The following GRM8 variants were observed in gnomAD, a reference collection of about 807,000 sequenced individuals.
GRM8 encodes metabotropic glutamate receptor 8.
GRM8 carries 47 observed loss-of-function variants against 87.2 expected under a neutral mutation model. The observed-to-expected ratio is 0.54, with a 90% CI of 0.43 to 0.69. The LOEUF is 0.69. Among genes scored for constraint, GRM8 ranks in the 30% least tolerant of loss-of-function variants. The pLI, the probability that GRM8 is intolerant of heterozygous loss-of-function variation, is 0.00. For missense variants in GRM8, 1,019 were observed against 1,139.2 expected, an observed-to-expected ratio of 0.89 and a Z score of 1.52; for synonymous variants, 396 against 404.5, an observed-to-expected ratio of 0.98 and a Z score of 0.25.
chr7:126,460,651 C>T (rs1803796121), intron 9 of GRM8, among the ~76,000 whole-genome samples: 1 of 151,548 alleles, frequency 6.6e-6, no homozygotes, highest in Non-Finnish European at 1.5e-5. Flanking sequence ...TTAGCAGAGG[C>T]ATTACTCTGA....
chr7:127,203,661 T>C (rs1420257864), intron 2 of GRM8, among the ~76,000 whole-genome samples: 1 of 151,842 alleles, frequency 6.6e-6, no homozygotes, highest in Non-Finnish European at 1.5e-5. Flanking sequence ...TGATCCAAGA[T>C]TGTGCCACTG....
At chr7:126,807,712 T>G (rs1792918260) in intron 6 of GRM8, among the ~76,000 whole-genome samples, 1 of 152,068 alleles carries the variant, frequency 6.6e-6, no homozygotes. Flanking sequence ...TAAAGACCCA[T>G]CCGTCCTAGT....
chr7:126,655,020 A>G (rs975398136), intron 7 of GRM8, among the ~76,000 whole-genome samples: 2 of 152,228 alleles, frequency 1.3e-5, no homozygotes, highest in Non-Finnish European at 2.9e-5. Flanking sequence ...AAGTGACCCA[A>G]AGAAACAGAA....
At chr7:127,164,601 A>T (rs934222518) in intron 2 of GRM8, among the ~76,000 whole-genome samples, 1 of 152,164 alleles carries the variant, frequency 6.6e-6, no homozygotes, top group Non-Finnish European at 1.5e-5. Context: ...TCACACACAC[A>T]GACTTTGGAG....
At chr7:126,697,590 T>G (rs1195818652) in intron 7 of GRM8, among the ~76,000 whole-genome samples, 2 of 152,076 alleles carry the variant, frequency 1.3e-5, no homozygotes, top group Non-Finnish European at 2.9e-5. Context: ...TTAACACATC[T>G]CCCCATTGTG....
chr7:126,478,655 T>C (rs13226920), intron 9 of GRM8, among the ~76,000 whole-genome samples: 21,047 of 152,146 alleles, frequency 0.14, 1,656 homozygotes, highest in South Asian at 0.18. Context: ...CCAAATGATA[T>C]GAGCATGCTA....
At chr7:126,546,545 C>G (rs1817181879) in intron 8 of GRM8, among the ~76,000 whole-genome samples, 1 of 152,062 alleles carries the variant, frequency 6.6e-6, no homozygotes, top group East Asian at 1.9e-4. Flanking sequence ...TAGACAGGAG[C>G]AGGGGATGAA....
chr7:127,013,821 A>G (rs1166573879), intron 3 of GRM8, among the ~76,000 whole-genome samples: 1 of 152,184 alleles, frequency 6.6e-6, no homozygotes, highest in Admixed American at 6.5e-5. Context: ...TCCTCTCTTC[A>G]TGGAGCTTAT....
chr7:126,554,765 T>C (rs1248727959), intron 8 of GRM8, among the ~76,000 whole-genome samples: 1 of 152,238 alleles, frequency 6.6e-6, no homozygotes, highest in Non-Finnish European at 1.5e-5. Context: ...TTAAATTTTC[T>C]GTTTTTGTTT....
chr7:127,213,345 C>T (rs1286922922), intron 2 of GRM8, among the ~76,000 whole-genome samples: 1 of 152,102 alleles, frequency 6.6e-6, no homozygotes, highest in Admixed American at 6.5e-5. Flanking sequence ...GCTGTAAGTA[C>T]AAAATTATAT....
intron 3 of GRM8, among the ~76,000 whole-genome samples, chr7:127,046,459 T>C (rs1245960111): frequency 1.3e-5 from 2 of 152,246 alleles, no homozygotes; most frequent in African/African-American, 2.4e-5. Flanking sequence ...ACAGAGTTAC[T>C]TACTAGCAAA....
At position 126,904,188 on chromosome 7, in the gene GRM8, T is replaced by C. The variant is rs17685327; in HGVS notation, c.864-62A>G. 0.19 allele frequency: 256,988 copies of C among 1,361,184 alleles called. 26,447 individuals are homozygous for C. The highest frequency in any genetic ancestry group is 0.22 in the Middle Eastern group (1,133 of 5,196). 84.3% of individuals were successfully genotyped at this position (1,361,184 alleles called of 1,614,324 possible). ...ATTAAAAATACCACAATTATGAATA[T>C]TACAAGACCAGATTTAGGAAGTTGT... is the stretch of plus-strand genomic sequence containing the variant. On this transcript the variant is annotated intron_variant, in intron 4 of 10. Coordinates refer to ENST00000339582, the MANE Select transcript of GRM8 (RefSeq NM_000845.3).
chr7:127,063,068 C>T (rs570919647), intron 3 of GRM8, among the ~76,000 whole-genome samples: 9 of 151,992 alleles, frequency 5.9e-5, no homozygotes, highest in Admixed American at 2.6e-4. Context: ...CTGGCTAACA[C>T]GGTGAAACCC....
At chr7:126,820,377 T>C (rs1187576934) in intron 6 of GRM8, among the ~76,000 whole-genome samples, 2 of 152,130 alleles carry the variant, frequency 1.3e-5, no homozygotes, top group Non-Finnish European at 2.9e-5. Context: ...ATCAAAGAAA[T>C]CCAAATTGAA....
At chr7:126,513,387 G>A (rs1811690670) in intron 9 of GRM8, among the ~76,000 whole-genome samples, 1 of 151,976 alleles carries the variant, frequency 6.6e-6, no homozygotes, top group South Asian at 2.1e-4. Flanking sequence ...ACCAAAGGCT[G>A]GTGAAACTCA....
At chr7:127,203,738 G>GA (rs1460698550) in intron 2 of GRM8, among the ~76,000 whole-genome samples, 8 of 149,122 alleles carry the variant, frequency 5.4e-5, no homozygotes, top group East Asian at 4.0e-4. Flanking sequence ...AAAATAAATT[G>GA]AAAAAAATAA....
intron 3 of GRM8, among the ~76,000 whole-genome samples, chr7:127,035,346 C>G (rs1817752578): frequency 6.6e-6 from 1 of 152,148 alleles, no homozygotes; most frequent in Non-Finnish European, 1.5e-5. Context: ...ACTCAAGCAA[C>G]CAGTCGATTT....
chr7:126,869,162 A>G (rs1798866852), intron 6 of GRM8: 1 of 152,202 alleles, frequency 6.6e-6, no homozygotes, highest in African/African-American at 2.4e-5. Flanking sequence ...GCAGCTCCTC[A>G]TCTGTTCAAG....
chr7:127,226,250 C>G (rs1052486567), intron 2 of GRM8, among the ~76,000 whole-genome samples: 3 of 152,184 alleles, frequency 2.0e-5, no homozygotes, highest in Non-Finnish European at 4.4e-5. Context: ...TCTCACTCCC[C>G]CAGCCCATGA....
Sources: allele counts gnomAD v4.1 joint callset (sites outside exome capture counted in the v4.1 genomes callset), GRCh38; gene constraint gnomAD v4.1.1; transcripts MANE v1.5; gene names NCBI Gene and HGNC (gene_info 2026-07-23, HGNC 2026-07-21).